Variants in TIAM1 observed in about 807,000 individuals in gnomAD.
The protein encoded by TIAM1 is rho guanine nucleotide exchange factor TIAM1.
A neutral mutation model predicts 163.5 loss-of-function variants in TIAM1; 65 were observed. The observed-to-expected ratio is 0.40, with a 90% CI of 0.33 to 0.49. The LOEUF (loss-of-function observed/expected upper bound fraction) is 0.49. TIAM1 is among the 20% of genes least tolerant of loss of function. The pLI, the probability that TIAM1 is intolerant of heterozygous loss-of-function variation, is 0.77. For synonymous variants in TIAM1, 833 were observed against 810.1 expected, an observed-to-expected ratio of 1.03 and a Z score of -0.48; for missense variants, 1,789 against 2,044.7, an observed-to-expected ratio of 0.87 and a Z score of 2.41.
chr21:31,506,221 C>T (rs990858526), intron 1 of TIAM1, among the ~76,000 whole-genome samples: 3 of 150,060 alleles, frequency 2.0e-5, no homozygotes, highest in African/African-American at 7.4e-5. Flanking sequence ...CTTCCCATCC[C>T]TAATAGCACT....
At chr21:31,460,332 T>C (rs774764539) in intron 2 of TIAM1, among the ~76,000 whole-genome samples, 3 of 152,170 alleles carry the variant, frequency 2.0e-5, no homozygotes, top group Non-Finnish European at 4.4e-5. Flanking sequence ...ACTCCGGAAG[T>C]GCCACTGTTC....
At chr21:31,269,845 G>C (rs1171825232) in intron 3 of TIAM1, among the ~76,000 whole-genome samples, 1 of 151,882 alleles carries the variant, frequency 6.6e-6, no homozygotes, top group Non-Finnish European at 1.5e-5. Context: ...CTAATTTTTT[G>C]TATTTTTATT....
intron 2 of TIAM1, among the ~76,000 whole-genome samples, chr21:31,435,432 T>C (rs2044177874): frequency 1.3e-5 from 2 of 152,202 alleles, no homozygotes; most frequent in Admixed American, 1.3e-4. Flanking sequence ...TTCCAGGAAA[T>C]TGATGAATCT....
rs1048178406 is a variant in TIAM1, at chr21:31,395,705, C to T, written c.-368-56283G>A. Among the ~76,000 whole-genome samples, 6 of 152,170 alleles carry T rather than the reference C, an allele frequency of 3.9e-5. No individual in the cohort carries two copies. Among genetic ancestry groups the T allele is most frequent in the Admixed American group, 6.5e-5 (1 of 15,284 alleles). ...TAAAACATCTATCTTGGGGAGGGGG[C>T]GCATGCGTTCCCCTGGCTGTCGCGT... is the stretch of plus-strand genomic sequence containing the variant. On this transcript the variant is annotated intron_variant, in intron 2 of 28. Transcript: ENST00000286827. This position sits in a 1 kb window ranked among gnomAD's most constrained non-coding sequence, Gnocchi z 7.5.
At chr21:31,289,291 C>A (rs2073927165) in intron 2 of TIAM1, among the ~76,000 whole-genome samples, 2 of 152,152 alleles carry the variant, frequency 1.3e-5, no homozygotes, top group Admixed American at 1.3e-4. Flanking sequence ...AACTATGGGA[C>A]ACAAGTGACT....
At position 31,451,756 on chromosome 21, in the gene TIAM1, T is replaced by TGA. The variant is rs1256045280; in HGVS notation, c.-369+12226_-369+12227insTC. Among the ~76,000 whole-genome samples, 35 of 118,992 alleles carry TGA rather than the reference T, an allele frequency of 2.9e-4. No individual in the cohort carries two copies. In the East Asian group the frequency reaches 5.2e-3, roughly 18 times the overall value. The allele number at this position is 118,992 out of a possible 152,430, so 78.1% of individuals were successfully genotyped here. A position where few individuals can be genotyped will look rare whatever the true frequency, so the allele number is the denominator to read the frequency against. ...GTGTGTGTGTGTGTGTGTGTGTGTG[T>TGA]GTGTGAGACACAGAGAGAGAGAGAG... On this transcript the variant is annotated intron_variant, in intron 2 of 28. Coordinates refer to the TIAM1 transcript ENST00000286827.
chr21:31,167,998 C>G (rs922994108), intron 15 of TIAM1, among the ~76,000 whole-genome samples: 1 of 150,962 alleles, frequency 6.6e-6, no homozygotes, highest in Non-Finnish European at 1.5e-5. Context: ...TGCTCACTGG[C>G]AAAAGAAAAA....
intron 1 of TIAM1, among the ~76,000 whole-genome samples, chr21:31,342,682 C>T (rs1044542273): frequency 6.6e-6 from 1 of 152,196 alleles, no homozygotes; most frequent in African/African-American, 2.4e-5. Flanking sequence ...TCACAGACCT[C>T]ATGTCAGCAT....
At chr21:31,453,812 G>GA (rs1232995883) in intron 2 of TIAM1, among the ~76,000 whole-genome samples, 1 of 218 alleles carries the variant, frequency 4.6e-3, no homozygotes, top group Non-Finnish European at 7.9e-3. Context: ...GCCAAAAGAG[G>GA]GGGGAAATAA....
chr21:31,477,873 T>A (rs567568869), intron 1 of TIAM1, among the ~76,000 whole-genome samples: 1 of 152,260 alleles, frequency 6.6e-6, no homozygotes, highest in South Asian at 2.1e-4. Flanking sequence ...GTCTAATGAC[T>A]CTCCGTGTCC....
chr21:31,324,510 C>G (rs1188928469), intron 2 of TIAM1, among the ~76,000 whole-genome samples: 1 of 152,214 alleles, frequency 6.6e-6, no homozygotes, highest in Non-Finnish European at 1.5e-5. Context: ...CAGGAAAGTA[C>G]TTGTCCCCAT....
At chr21:31,412,710 A>T (rs2043241065) in intron 2 of TIAM1, among the ~76,000 whole-genome samples, 1 of 140,918 alleles carries the variant, frequency 7.1e-6, no homozygotes. Context: ...TGAACCTGGG[A>T]GGGAGAGGTT....
intron 19 of TIAM1, among the ~76,000 whole-genome samples, chr21:31,148,977 A>C (rs2083263211): frequency 7.0e-6 from 1 of 142,972 alleles, no homozygotes. Flanking sequence ...TTTTTTGGTC[A>C]AATATACAAT....
At chr21:31,260,226 A>G (rs2072380761) in intron 4 of TIAM1, among the ~76,000 whole-genome samples, 1 of 145,462 alleles carries the variant, frequency 6.9e-6, no homozygotes, top group Non-Finnish European at 1.5e-5. Flanking sequence ...AATAAAATAT[A>G]TATATACACA....
At chr21:31,550,514 G>C (rs73345666) in intron 1 of TIAM1, among the ~76,000 whole-genome samples, 10,888 of 151,898 alleles carry the variant, frequency 0.072, 1,266 homozygotes, top group African/African-American at 0.25. Flanking sequence ...CTGTGAATGG[G>C]TACAGGGTTT....
intron 6 of TIAM1, among the ~76,000 whole-genome samples, chr21:31,234,201 G>T (rs1054302433): frequency 6.6e-6 from 1 of 150,942 alleles, no homozygotes; most frequent in African/African-American, 2.4e-5. Flanking sequence ...AACAGAGAAA[G>T]CTTCCCTAAA....
At chr21:31,556,278 G>A (rs896389141) in intron 1 of TIAM1, among the ~76,000 whole-genome samples, 6 of 152,174 alleles carry the variant, frequency 3.9e-5, no homozygotes, top group Admixed American at 1.3e-4. Context: ...GCTACTGGCC[G>A]CGTTCCACAT....
intron 20 of TIAM1, among the ~76,000 whole-genome samples, chr21:31,146,152 C>T (rs568570494): frequency 6.6e-6 from 1 of 152,106 alleles, no homozygotes; most frequent in African/African-American, 2.4e-5. Context: ...TTGACAAAAC[C>T]ATTAATTCAA....
chr21:31,307,595 T>C (rs578057150), intron 2 of TIAM1, among the ~76,000 whole-genome samples: 29 of 152,190 alleles, frequency 1.9e-4, no homozygotes, highest in Admixed American at 1.4e-3. Context: ...TATCTGGAAA[T>C]TGGGGAGGTG....
Sources: gnomAD v4.1 joint callset for allele counts (sites outside exome capture counted in the v4.1 genomes callset) on GRCh38, gnomAD v4.1.1 for gene constraint, Gnocchi (gnomAD v3.1) non-coding constraint, MANE v1.5 for transcripts, NCBI Gene and HGNC (gene_info 2026-07-23, HGNC 2026-07-21) for gene names.